Variants in DIAPH3 observed in about 807,000 individuals in gnomAD.
The protein encoded by DIAPH3 is protein diaphanous homolog 3.
Under a neutral mutation model 144.3 loss-of-function variants are expected in DIAPH3, and 117 were observed. The ratio of observed to expected loss-of-function variants is 0.81; its 90% CI spans 0.70 to 0.95. The LOEUF (loss-of-function observed/expected upper bound fraction) is 0.95, where lower values mean the gene tolerates loss of function less well. Among genes scored for constraint, DIAPH3 ranks in the 40% least tolerant of loss-of-function variants. DIAPH3 has a pLI of 0.00. For missense variants in DIAPH3, 1,421 were observed against 1,412.7 expected (o/e 1.01, Z -0.09); for synonymous variants, 519 against 488.9 (o/e 1.06, Z -0.81).
rs2051339670 is a variant in DIAPH3 at position 59,985,501 on chromosome 13, G to A, written c.1362-1614C>T. 4.5e-5 allele frequency among the ~76,000 whole-genome samples: 3 copies of A among 66,726 alleles called. No homozygotes were observed. The South Asian group carries it at 1.7e-3, about 38-fold the overall frequency. 43.8% of individuals were successfully genotyped at this position (66,726 alleles called of 152,430 possible). ...AATCAGGCAGGAGAAGGAAATAAAG[G>A]GTATTCAATTAGGAAAAGAGGAAGT... is the stretch of plus-strand genomic sequence containing the variant. On this transcript the variant is annotated intron_variant, in intron 12 of 27. Coordinates refer to ENST00000400324, the MANE Select transcript of DIAPH3 (RefSeq NM_001042517.2).
chr13:59,710,326 T>C (rs2034670188), intron 27 of DIAPH3, among the ~76,000 whole-genome samples: 1 of 150,710 alleles, frequency 6.6e-6, no homozygotes, highest in East Asian at 1.9e-4. Context: ...ATGGTATATC[T>C]GCAAAGATCT....
chr13:59,969,193 T>C (rs2050217516), intron 17 of DIAPH3, among the ~76,000 whole-genome samples: 1 of 152,182 alleles, frequency 6.6e-6, no homozygotes, highest in Admixed American at 6.5e-5. Flanking sequence ...TAAACAATTT[T>C]TTAAAAATCA....
At chr13:60,094,656 G>A (rs2058053108) in intron 3 of DIAPH3, among the ~76,000 whole-genome samples, 1 of 152,120 alleles carries the variant, frequency 6.6e-6, no homozygotes, top group South Asian at 2.1e-4. Flanking sequence ...CAGGACTTTG[G>A]ATCACCTATG....
At chr13:59,697,316 C>T (rs1367867153) in intron 27 of DIAPH3, among the ~76,000 whole-genome samples, 1 of 151,268 alleles carries the variant, frequency 6.6e-6, no homozygotes, top group Non-Finnish European at 1.5e-5. Context: ...AAAAATTAGC[C>T]GGGCGTGGTG....
intron 17 of DIAPH3, among the ~76,000 whole-genome samples, chr13:59,945,244 C>T (rs1218663223): frequency 6.6e-6 from 1 of 152,134 alleles, no homozygotes; most frequent in Non-Finnish European, 1.5e-5. Flanking sequence ...CCATGACTAT[C>T]CTCTCTAAAC....
chr13:60,105,083 A>C, intron 3 of DIAPH3, among the ~76,000 whole-genome samples: 1 of 131,420 alleles, frequency 7.6e-6, no homozygotes, highest in South Asian at 2.8e-4. Flanking sequence ...CTGGGCGACA[A>C]AGTGAGACAC....
At chr13:60,132,884 T>TTGC (rs2138236167) in intron 2 of DIAPH3, 73 bp downstream of exon 2, 1 of 1,287,898 alleles carries the variant, frequency 7.8e-7, no homozygotes, top group Admixed American at 1.7e-5. Flanking sequence ...TCAAAGATGT[T>TTGC]AGCAGAGCAC....
At chr13:59,743,239 T>C (rs1040859014) in intron 27 of DIAPH3, among the ~76,000 whole-genome samples, 1 of 152,218 alleles carries the variant, frequency 6.6e-6, no homozygotes, top group Admixed American at 6.5e-5. Context: ...ATGATTGGGA[T>C]GTTACTGCAA....
intron 24 of DIAPH3, among the ~76,000 whole-genome samples, chr13:59,829,405 T>G (rs114158922): frequency 0.012 from 1,794 of 151,944 alleles, 22 homozygotes; most frequent in African/African-American, 0.041. Flanking sequence ...TGGTATAGAC[T>G]GTGGAGCCAG....
intron 1 of DIAPH3, among the ~76,000 whole-genome samples, chr13:60,138,248 T>C (rs1566814688): frequency 6.6e-6 from 1 of 152,152 alleles, no homozygotes; most frequent in Non-Finnish European, 1.5e-5. Context: ...AAGTCTAAGG[T>C]GGGACCTGGG....
At chr13:60,084,445 A>T (rs1463854705) in intron 4 of DIAPH3, among the ~76,000 whole-genome samples, 1 of 152,064 alleles carries the variant, frequency 6.6e-6, no homozygotes, top group Non-Finnish European at 1.5e-5. Flanking sequence ...AAATTTAAAG[A>T]TGCTGTAAGA....
At chr13:59,822,463 A>G (rs2041122441) in intron 24 of DIAPH3, among the ~76,000 whole-genome samples, 2 of 151,886 alleles carry the variant, frequency 1.3e-5, no homozygotes, top group African/African-American at 2.4e-5. Context: ...TTTTTGTGAG[A>G]CGGAGTCTCG....
chr13:59,953,066 G>C (rs2049182908), intron 17 of DIAPH3, among the ~76,000 whole-genome samples: 1 of 152,152 alleles, frequency 6.6e-6, no homozygotes, highest in South Asian at 2.1e-4. Flanking sequence ...AGAAAATGGG[G>C]ATGGCGTGAG....
intron 4 of DIAPH3, among the ~76,000 whole-genome samples, chr13:60,062,697 T>C (rs1047872285): frequency 3.9e-5 from 6 of 152,148 alleles, no homozygotes; most frequent in Admixed American, 1.3e-4. Context: ...ATAAAGCAGA[T>C]AGATATTACA....
At chr13:59,682,737 T>C (rs2033010877) in intron 27 of DIAPH3, among the ~76,000 whole-genome samples, 1 of 152,208 alleles carries the variant, frequency 6.6e-6, no homozygotes, top group Non-Finnish European at 1.5e-5. Context: ...TAATAATCTT[T>C]CATCCCTCAA....
intron 19 of DIAPH3, among the ~76,000 whole-genome samples, 161 bp from the exon 20 acceptor site, chr13:59,911,997 C>A (rs2047017597): frequency 6.6e-6 from 1 of 152,138 alleles, no homozygotes. Context: ...TTCCCTGCAT[C>A]TTGAAAACAG....
rs759039509 is a variant in DIAPH3, at chr13:59,992,184, A to G, written c.1128T>C (p.Asn376=). ...GGCCATCATTCTTAATGCATTTTAA[A>G]TTCTAGAGATATGAAATAGAAATTA... ...MRCGLKEILP[N]LKCIKNDGLD... is the part of the protein sequence containing the mutation. Residue 376 remains asparagine (N), a splice_region_variant and synonymous_variant, in exon 11 of 28, where the codon AAT becomes AAC. Transcript: ENST00000400324. The G allele has an allele frequency of 6.2e-7, 1 of 1,600,852 alleles. No homozygotes were observed. The highest frequency in any genetic ancestry group is 8.6e-7 in the Non-Finnish European group (1 of 1,169,152).
In DIAPH3 at chr13:59,703,209, G is replaced by A. The variant is rs564215492; in HGVS notation, c.3320-36363C>T. On this transcript the variant is annotated intron_variant, in intron 27 of 27. Transcript: ENST00000400324. ...CTTGAGATGTGGTGAAGTGCAAAAT[G>A]CACACTGATTTTGAAGACTTCGCAT... Among the ~76,000 whole-genome samples the A allele has an allele frequency of 7.9e-5, 12 of 152,290 alleles. No homozygotes were observed. The South Asian group carries it at 8.3e-4, about 11-fold the overall frequency.
chr13:59,867,443 A>C (rs1860088181), intron 21 of DIAPH3, among the ~76,000 whole-genome samples: 1 of 152,072 alleles, frequency 6.6e-6, no homozygotes, highest in Non-Finnish European at 1.5e-5. Context: ...GCATATAAAT[A>C]CTAAATTACT....
Sources: gnomAD v4.1 joint callset for allele counts (sites outside exome capture counted in the v4.1 genomes callset) on GRCh38, gnomAD v4.1.1 for gene constraint, MANE v1.5 for transcripts, NCBI Gene and HGNC (gene_info 2026-07-23, HGNC 2026-07-21) for gene names.